Variants in WASHC4 observed in about 807,000 individuals in gnomAD.
WASHC4 encodes WASH complex subunit 4, also known as WASH complex subunit 7.
Under a neutral mutation model 166.6 loss-of-function variants are expected in WASHC4, and 86 were observed. The ratio of observed to expected loss-of-function variants is 0.52; its 90% confidence interval spans 0.43 to 0.62. WASHC4 has a LOEUF of 0.62. Ranked by LOEUF, WASHC4 falls within the 20% of genes least tolerant of loss-of-function variation. The probability of loss-of-function intolerance (pLI) is 0.00; values close to 1 mark genes in which losing one functional copy is unlikely to be tolerated. For missense variants in WASHC4, 1,262 were observed against 1,382.4 expected, an observed-to-expected ratio of 0.91 and a Z score of 1.38; for synonymous variants, 446 against 451.6, an observed-to-expected ratio of 0.99 and a Z score of 0.16.
chr12:105,167,140 G>A lies in WASHC4; in HGVS notation c.*209G>A. On this transcript the variant is annotated 3_prime_UTR_variant, in exon 33 of 33. Transcript: ENST00000332180. Reference sequence around the variant, plus strand: ...AGGTTAAGAATGAGATTTTAAAATTGGATTTTTGCCTGGACTTGAGGGTAC... The same window carrying A: ...AGGTTAAGAATGAGATTTTAAAATTAGATTTTTGCCTGGACTTGAGGGTAC... 3.8e-6 allele frequency: 2 copies of A among 526,884 alleles called. No homozygotes were observed. The highest frequency in any genetic ancestry group is 6.8e-6 in the Non-Finnish European group (2 of 293,646). The allele number at this position is 526,884 out of a possible 1,614,324, so 32.6% of individuals were successfully genotyped here.
chr12:105,154,148 A>G (rs1434319630), intron 26 of WASHC4, among the ~76,000 whole-genome samples: 1 of 151,472 alleles, frequency 6.6e-6, no homozygotes, highest in Non-Finnish European at 1.5e-5. Flanking sequence ...CTCCCGCCTC[A>G]GCCTCCTTAG....
intron 14 of WASHC4, among the ~76,000 whole-genome samples, chr12:105,136,660 TC>T (rs1882349886): frequency 6.6e-6 from 1 of 152,152 alleles, no homozygotes; most frequent in African/African-American, 2.4e-5. Context: ...TCTTTGCTGT[TC>T]CTTGTTTGTG....
At chr12:105,129,102 C>T (rs746802064) in intron 13 of WASHC4, among the ~76,000 whole-genome samples, 2 of 152,040 alleles carry the variant, frequency 1.3e-5, no homozygotes, top group Admixed American at 6.6e-5. Flanking sequence ...CCCACCACCA[C>T]GCCCGGCTAA....
chr12:105,117,332 C>G (rs1592846670), intron 6 of WASHC4, among the ~76,000 whole-genome samples: 1 of 152,096 alleles, frequency 6.6e-6, no homozygotes, highest in Non-Finnish European at 1.5e-5. Context: ...TTATTTAAAA[C>G]CACATATATC....
intron 24 of WASHC4, chr12:105,148,209 G>A (rs1360544446): frequency 2.0e-6 from 2 of 984,948 alleles, no homozygotes; most frequent in Non-Finnish European, 2.4e-6. Flanking sequence ...CATTATAGTG[G>A]GGTTATCAAT....
At chr12:105,166,290 A>G (rs1474312097) in intron 32 of WASHC4, among the ~76,000 whole-genome samples, 1 of 152,248 alleles carries the variant, frequency 6.6e-6, no homozygotes, top group Admixed American at 6.5e-5. Context: ...ATATGCACAC[A>G]TGACATTTTG....
At chr12:105,108,091 ACT>A (rs1879256372) in intron 1 of WASHC4, among the ~76,000 whole-genome samples, 1 of 151,242 alleles carries the variant, frequency 6.6e-6, no homozygotes, top group South Asian at 2.1e-4. Context: ...TGAGGCGGAG[ACT>A]CTCCTGGGGA....
intron 7 of WASHC4, among the ~76,000 whole-genome samples, chr12:105,119,800 C>G (rs1318525178): frequency 6.6e-6 from 1 of 152,168 alleles, no homozygotes. Context: ...CTATTTAAAA[C>G]TTGTTGAGCA....
chr12:105,114,737 C>T (rs1213944906), intron 4 of WASHC4, among the ~76,000 whole-genome samples: 1 of 151,992 alleles, frequency 6.6e-6, no homozygotes, highest in Non-Finnish European at 1.5e-5. Context: ...TACAAACCTC[C>T]AGAGTTTGTG....
intron 7 of WASHC4, among the ~76,000 whole-genome samples, chr12:105,119,110 T>C (rs1880474313): frequency 6.6e-6 from 1 of 152,072 alleles, no homozygotes; most frequent in Non-Finnish European, 1.5e-5. Context: ...AGATACCACC[T>C]CTCCATCCAG....
chr12:105,114,628 C>T (rs1880010405), intron 4 of WASHC4, among the ~76,000 whole-genome samples: 1 of 151,862 alleles, frequency 6.6e-6, no homozygotes, highest in Non-Finnish European at 1.5e-5. Context: ...CTTATAGTAA[C>T]CCCAGGAGGT....
chr12:105,132,124 C>T (rs1010444478), intron 13 of WASHC4, among the ~76,000 whole-genome samples: 4 of 152,264 alleles, frequency 2.6e-5, no homozygotes, highest in East Asian at 1.9e-4. Context: ...TGGTAGGGTC[C>T]GATTCCATAA....
At chr12:105,139,912 C>G (rs1382473171) in intron 15 of WASHC4, among the ~76,000 whole-genome samples, 1 of 148,042 alleles carries the variant, frequency 6.8e-6, no homozygotes, top group Non-Finnish European at 1.5e-5. Flanking sequence ...GAGACGGAGT[C>G]TTGCTCAGTT....
chr12:105,118,213 G>A, intron 6 of WASHC4, among the ~76,000 whole-genome samples: 1 of 152,196 alleles, frequency 6.6e-6, no homozygotes, highest in East Asian at 1.9e-4. Context: ...ACTTGAAATA[G>A]GAGTATGAAT....
rs1881373275 is a variant in WASHC4, at chr12:105,127,235, C to T, written c.1145C>T (p.Ala382Val). 1 of 1,612,314 alleles carries T rather than the reference C, an allele frequency of 6.2e-7. No homozygotes were observed. The highest frequency in any genetic ancestry group is 1.1e-5 in the South Asian group (1 of 91,058). ...CTGCTAGACAGAAAAAGTCTTCAAG[C>T]CATTAAAATACACAGGGATACTTTT... ...AKLLDRKSLQ[A>V]IKIHRDTFLQ... The change falls in exon 13 of 33, where the codon GCC becomes GTC. Residue 382 changes from alanine to valine, a missense_variant. Transcript: ENST00000332180.
chr12:105,133,813 A>C lies in WASHC4; in HGVS notation c.1243A>C (p.Lys415Gln). The C allele has an allele frequency of 6.2e-7, 1 of 1,612,262 alleles. No individual in the cohort carries two copies. Among genetic ancestry groups the C allele is most frequent in the South Asian group, 1.1e-5 (1 of 91,038 alleles). The change falls in exon 14 of 33, where the codon AAA becomes CAA. Residue 415 changes from lysine to glutamine, a missense_variant. Physicochemically the swap from Lys to Gln is moderately conservative, Grantham distance 53 (BLOSUM62 1). Transcript: ENST00000332180. ...CGTCTTTGTGAGCTCATGGATGATG[A>C]AAATGGAATCTATTTTGTCTAAAGA... ...YYVFVSSWMM[K>Q]MESILSKEQR...
chr12:105,131,089 T>A (rs1373823552), intron 13 of WASHC4, among the ~76,000 whole-genome samples: 9 of 150,394 alleles, frequency 6.0e-5, no homozygotes, highest in African/African-American at 2.2e-4. Context: ...TTTATTTTTT[T>A]TTTTTTTTGA....
At position 105,167,698 on chromosome 12, in the gene WASHC4, CAGAAAAAAA is replaced by C. The variant is rs1460489122; in HGVS notation, c.*769_*777del. On this transcript the variant is annotated 3_prime_UTR_variant, in exon 33 of 33. Coordinates refer to ENST00000332180, the MANE Select transcript of WASHC4 (RefSeq NM_015275.3). ...TGGTTGAAGGCATGATGTATGATGTCAGAAAAAAAATTGAATGAATTATTTCTACATCCA... is the reference window on the plus strand; with the variant it reads ...TGGTTGAAGGCATGATGTATGATGTCATTGAATGAATTATTTCTACATCCA... The C allele has an allele frequency of 6.6e-6, 1 of 152,272 alleles. No individual in the cohort carries two copies. The highest frequency in any genetic ancestry group is 1.9e-4 in the East Asian group (1 of 5,188). 9.4% of individuals were successfully genotyped at this position (152,272 alleles called of 1,614,324 possible).
At chr12:105,149,884 T>C (rs1192942601) in intron 25 of WASHC4, 135 bp downstream of exon 25, 3 of 837,174 alleles carry the variant, frequency 3.6e-6, no homozygotes, top group Non-Finnish European at 5.2e-6. Context: ...CTCTGCATTA[T>C]CTGTAGGCTT....
Sources: gnomAD v4.1 joint callset for allele counts (sites outside exome capture counted in the v4.1 genomes callset) on GRCh38, gnomAD v4.1.1 for gene constraint, MANE v1.5 for transcripts, NCBI Gene and HGNC (gene_info 2026-07-23, HGNC 2026-07-21) for gene names.